The following WDR72 variants were observed in gnomAD, a reference collection of about 807,000 sequenced individuals.
WDR72 encodes the protein WD repeat-containing protein 72.
Under a neutral mutation model 124.2 loss-of-function variants are expected in WDR72, and 120 were observed. The observed-to-expected ratio is 0.97, with a 90% CI of 0.83 to 1.12. The LOEUF (loss-of-function observed/expected upper bound fraction) is 1.12. Ranked by LOEUF, WDR72 falls within the 50% of genes most tolerant of loss-of-function variation. The pLI is 0.00. For synonymous variants in WDR72, 452 were observed against 441.7 expected (o/e 1.02, Z -0.29); for missense variants, 1,387 against 1,278.8 (o/e 1.08, Z -1.29).
intron 14 of WDR72, among the ~76,000 whole-genome samples, chr15:53,662,117 T>C (rs147693267): frequency 5.4e-4 from 82 of 152,318 alleles, no homozygotes; most frequent in African/African-American, 1.9e-3. Context: ...CCTACTTTGA[T>C]GCTAAATTCC....
At chr15:53,566,517 T>A (rs547107718) in intron 18 of WDR72, among the ~76,000 whole-genome samples, 1 of 151,978 alleles carries the variant, frequency 6.6e-6, no homozygotes, top group Non-Finnish European at 1.5e-5. Context: ...GTGGGAGATA[T>A]CTACTGCCTG....
chr15:53,689,373 AAAAC>A (rs1258324476), intron 13 of WDR72, among the ~76,000 whole-genome samples: 7 of 149,764 alleles, frequency 4.7e-5, no homozygotes, highest in South Asian at 4.2e-4. Context: ...TTACAAGAAA[AAAAC>A]AAACAACCCC....
intron 14 of WDR72, among the ~76,000 whole-genome samples, chr15:53,625,629 T>G (rs893974538): frequency 6.6e-6 from 1 of 152,080 alleles, no homozygotes; most frequent in African/African-American, 2.4e-5. Flanking sequence ...AGATACTGAG[T>G]CTGAAAGTCT....
At chr15:53,672,543 T>G (rs184001094) in intron 13 of WDR72, among the ~76,000 whole-genome samples, 2 of 152,316 alleles carry the variant, frequency 1.3e-5, no homozygotes, top group Non-Finnish European at 2.9e-5. Context: ...CACTTTGTGA[T>G]GTACCGGTTA....
chr15:53,596,212 T>A (rs893664315), intron 18 of WDR72, among the ~76,000 whole-genome samples: 5 of 152,154 alleles, frequency 3.3e-5, no homozygotes, highest in Non-Finnish European at 7.4e-5. Flanking sequence ...TTATAACATG[T>A]TTTCCTGACA....
intron 13 of WDR72, among the ~76,000 whole-genome samples, chr15:53,698,676 AT>A (rs2017078794): frequency 6.6e-6 from 1 of 152,222 alleles, no homozygotes; most frequent in African/African-American, 2.4e-5. Flanking sequence ...CAAATCAAGA[AT>A]TCTAAAACTC....
At chr15:53,612,706 G>A (rs1414861547) in intron 16 of WDR72, among the ~76,000 whole-genome samples, 1 of 152,078 alleles carries the variant, frequency 6.6e-6, no homozygotes, top group African/African-American at 2.4e-5. Context: ...TAAGGACAAT[G>A]GCTTTTATTC....
chr15:53,738,145 CGTT>C (rs1161567317), intron 1 of WDR72, among the ~76,000 whole-genome samples: 1 of 151,800 alleles, frequency 6.6e-6, no homozygotes, highest in Non-Finnish European at 1.5e-5. Flanking sequence ...AGTATGAAAA[CGTT>C]GTATAATAAA....
chr15:53,711,764 A>G (rs541806883), intron 7 of WDR72, among the ~76,000 whole-genome samples: 3 of 152,302 alleles, frequency 2.0e-5, no homozygotes, highest in Admixed American at 6.5e-5. Context: ...TATTCTTTCC[A>G]TAATGAGTAC....
intron 18 of WDR72, among the ~76,000 whole-genome samples, chr15:53,592,388 A>G (rs1169840565): frequency 4.6e-5 from 7 of 152,058 alleles, no homozygotes; most frequent in African/African-American, 1.7e-4. Context: ...AAGCCTTTCC[A>G]CAAGTAGATA....
Position 53,699,812 on chromosome 15 carries a change from A to G in WDR72, c.1703T>C (p.Val568Ala), listed in dbSNP as rs142036924. 4.3e-6 allele frequency: 7 copies of G among 1,613,988 alleles called. No homozygotes were observed. In the African/African-American group the frequency reaches 9.3e-5, roughly 22 times the overall value. Residue 568 changes from valine (V) to alanine (A), a missense_variant, in exon 13 of 20, where the codon GTT (valine) becomes GCT (alanine). By Grantham distance (64) the Val-to-Ala change is moderately conservative. Transcript: ENST00000360509. ...FPVRMIKWHPVENFLIVGCAD... is the reference protein window; with the variant it reads ...FPVRMIKWHPAENFLIVGCAD... Reference sequence around the variant, plus strand: ...ACATCCAACAATTAAAAAATTCTCAACCGGGTGCCATTTTATCATCCTCAC... The same window carrying G: ...ACATCCAACAATTAAAAAATTCTCAGCCGGGTGCCATTTTATCATCCTCAC...
intron 18 of WDR72, among the ~76,000 whole-genome samples, chr15:53,590,992 T>C (rs1025387029): frequency 6.6e-6 from 1 of 152,000 alleles, no homozygotes. Flanking sequence ...TTCTCATTCA[T>C]GCATTTCTTA....
intron 1 of WDR72, among the ~76,000 whole-genome samples, chr15:53,741,591 T>C (rs953216521): frequency 6.6e-6 from 1 of 152,256 alleles, no homozygotes; most frequent in South Asian, 2.1e-4. Context: ...TGGGCAAAAA[T>C]ATACATATTA....
At chr15:53,683,512 T>C (rs1216302656) in intron 13 of WDR72, among the ~76,000 whole-genome samples, 1 of 152,124 alleles carries the variant, frequency 6.6e-6, no homozygotes, top group Non-Finnish European at 1.5e-5. Flanking sequence ...TAGTATCTTC[T>C]CTACATAAAA....
chr15:53,610,934 A>G (rs1300835874), intron 16 of WDR72, among the ~76,000 whole-genome samples: 1 of 152,166 alleles, frequency 6.6e-6, no homozygotes, highest in East Asian at 1.9e-4. Flanking sequence ...ACTACTTACT[A>G]GCATCATGGG....
At chr15:53,761,627 A>T (rs2019065493), upstream of WDR72, among the ~76,000 whole-genome samples, 1 of 152,028 alleles carries the variant, frequency 6.6e-6, no homozygotes, top group African/African-American at 2.4e-5. Context: ...AGAGTTTGAG[A>T]CCAGCCTGGA....
chr15:53,713,543 C>T lies in WDR72; in HGVS notation c.592-652G>A, dbSNP rs896089463. 3.3e-5 allele frequency among the ~76,000 whole-genome samples: 5 copies of T among 151,598 alleles called. No individual in the cohort carries two copies. In the South Asian group the frequency reaches 8.3e-4, roughly 25 times the overall value. ...TCGGCTCACTGCAACCCCCGCCTCC[C>T]GGGTTCAAACGATTCTCCTGCCTCA... On this transcript the variant is annotated intron_variant, in intron 6 of 19. Transcript: ENST00000360509.
chr15:53,683,285 T>C (rs2016465455), intron 13 of WDR72, among the ~76,000 whole-genome samples: 1 of 152,056 alleles, frequency 6.6e-6, no homozygotes. Context: ...CAGAATAGGG[T>C]GACTAGAATT....
chr15:53,645,340 A>G (rs527278879), intron 14 of WDR72, among the ~76,000 whole-genome samples: 1 of 152,280 alleles, frequency 6.6e-6, no homozygotes, highest in South Asian at 2.1e-4. Flanking sequence ...TGCCTGTAAA[A>G]TATTATTAGT....
Sources: allele counts gnomAD v4.1 joint callset (sites outside exome capture counted in the v4.1 genomes callset), GRCh38; gene constraint gnomAD v4.1.1; transcripts MANE v1.5; gene names NCBI Gene and HGNC (gene_info 2026-07-23, HGNC 2026-07-21).